DMD: variants seen among roughly 807,000 people sequenced by gnomAD.
DMD encodes the protein dystrophin.
A neutral mutation model predicts 330.1 loss-of-function variants in DMD; 63 were observed. That is an observed-to-expected ratio of 0.19 (90% CI 0.16 to 0.24). The LOEUF is 0.24. Among genes scored for constraint, DMD ranks in the 10% least tolerant of loss-of-function variants. The probability of loss-of-function intolerance (pLI) is 1.00; values close to 1 mark genes in which losing one functional copy is unlikely to be tolerated. For missense variants in DMD, 3,344 were observed against 2,684.1 expected, an observed-to-expected ratio of 1.25 and a Z score of -5.43; for synonymous variants, 1,223 against 959.8, an observed-to-expected ratio of 1.27 and a Z score of -5.07.
chrX:32,694,804 G>A (rs112762299), intron 9 of DMD, among the ~76,000 whole-genome samples: 9,635 of 110,447 alleles, frequency 0.087, 1,009 homozygotes, highest in African/African-American at 0.29. Flanking sequence ...TTACAGGTGT[G>A]CGCCACCACA....
intron 51 of DMD, among the ~76,000 whole-genome samples, chrX:31,767,766 T>C (rs1305065722): frequency 8.9e-6 from 1 of 112,266 alleles, no homozygotes. Flanking sequence ...TCACCAAAAG[T>C]TATAATCAGA....
intron 55 of DMD, among the ~76,000 whole-genome samples, chrX:31,613,841 ACTT>A (rs2078058291): frequency 9.0e-6 from 1 of 111,720 alleles, no homozygotes. Context: ...AGAAGATCCC[ACTT>A]CTTAATAGCT....
chrX:31,688,916 A>G (rs780578511), intron 52 of DMD, among the ~76,000 whole-genome samples: 55 of 112,058 alleles, frequency 4.9e-4, no homozygotes, highest in African/African-American at 1.4e-3. Context: ...ACCAAATTCA[A>G]CAGCCCTTCA....
intron 63 of DMD, among the ~76,000 whole-genome samples, chrX:31,248,006 C>A (rs1038779042): frequency 3.6e-5 from 4 of 111,800 alleles, no homozygotes; most frequent in African/African-American, 1.3e-4. Flanking sequence ...ATTGCCACAG[C>A]CACCCCAACC....
chrX:32,242,640 A>G (rs1050304967), intron 43 of DMD, among the ~76,000 whole-genome samples: 2 of 111,510 alleles, frequency 1.8e-5, no homozygotes, highest in African/African-American at 3.3e-5. Context: ...CCAAATAAGA[A>G]AAGGTAAAAC....
At chrX:31,178,907 G>A (rs1375822660) in intron 69 of DMD, 102 bp from the exon 70 acceptor site, 1 of 1,021,085 alleles carries the variant, frequency 9.8e-7, no homozygotes, top group African/African-American at 1.9e-5. Context: ...TGTAATTAAG[G>A]AGAGTGTTGT....
At chrX:32,242,134 C>T (rs1363219156) in intron 43 of DMD, among the ~76,000 whole-genome samples, 1 of 112,233 alleles carries the variant, frequency 8.9e-6, no homozygotes, top group Admixed American at 9.4e-5. Context: ...GCAACAAGAA[C>T]TGTCTACATA....
intron 43 of DMD, among the ~76,000 whole-genome samples, chrX:32,238,796 CTT>C (rs2097197487): frequency 8.9e-6 from 1 of 111,847 alleles, no homozygotes; most frequent in Admixed American, 9.5e-5. Flanking sequence ...GTGAACTTCT[CTT>C]TGTCCTTGTT....
intron 1 of DMD, among the ~76,000 whole-genome samples, chrX:33,302,925 G>A (rs73623942): frequency 0.013 from 1,408 of 111,460 alleles, 27 homozygotes; most frequent in African/African-American, 0.043. Flanking sequence ...TGGACTCTAC[G>A]TATTCATACA....
intron 16 of DMD, among the ~76,000 whole-genome samples, chrX:32,554,878 GAAGAAAGA>G (rs769646135): frequency 0.017 from 565 of 32,670 alleles, 18 homozygotes; most frequent in Middle Eastern, 0.036. Flanking sequence ...GAGAAGGAAA[GAAGAAAGA>G]AAGAAAGAAA....
intron 2 of DMD, among the ~76,000 whole-genome samples, chrX:32,937,342 C>T (rs751373463): frequency 2.0e-4 from 22 of 109,544 alleles, no homozygotes; most frequent in African/African-American, 7.0e-4. Flanking sequence ...CCTCCTGCTG[C>T]AGCCTGTCTC....
intron 1 of DMD, among the ~76,000 whole-genome samples, chrX:33,050,561 A>G (rs2094444946): frequency 8.9e-6 from 1 of 111,743 alleles, no homozygotes; most frequent in Admixed American, 9.6e-5. Flanking sequence ...CAACCAATCA[A>G]TCTCTAGCCT....
intron 1 of DMD, among the ~76,000 whole-genome samples, chrX:33,301,113 A>C (rs907798068): frequency 7.2e-5 from 8 of 111,490 alleles, no homozygotes; most frequent in Non-Finnish European, 1.5e-4. Context: ...GGAGGTTAAA[A>C]TAACCATTAT....
intron 2 of DMD, among the ~76,000 whole-genome samples, chrX:32,952,087 T>G (rs2091282936): frequency 9.0e-6 from 1 of 110,986 alleles, no homozygotes; most frequent in Non-Finnish European, 1.9e-5. Flanking sequence ...AAAAGGGCTA[T>G]TTCTCAAACC....
At chrX:32,615,083 C>G (rs1483450647) in intron 11 of DMD, among the ~76,000 whole-genome samples, 1 of 111,211 alleles carries the variant, frequency 9.0e-6, no homozygotes, top group Non-Finnish European at 1.9e-5. Context: ...AAGTGAGCTT[C>G]CAGCTCAGCA....
At chrX:31,158,760 C>A (rs1452279216) in intron 74 of DMD, among the ~76,000 whole-genome samples, 1 of 111,985 alleles carries the variant, frequency 8.9e-6, no homozygotes, top group Non-Finnish European at 1.9e-5. Flanking sequence ...TCTTATAATG[C>A]TTTCTCCTAC....
Position 31,341,891 on chromosome X carries a change from G to GCACACACA in DMD, c.9163+6657_9163+6664dup, listed in dbSNP as rs58867858. On this transcript the variant is annotated intron_variant, in intron 61 of 78. Transcript: ENST00000357033. ...GGCGTGCGCGCGTGCGTGCGCGCGC[G>GCACACACA]CACACACACACACACACACACACAC... 4.2e-3 allele frequency among the ~76,000 whole-genome samples: 417 copies of GCACACACA among 98,881 alleles called. 4 individuals carry two copies. Among genetic ancestry groups the GCACACACA allele is most frequent in the African/African-American group, 0.014 (384 of 27,251 alleles). 85.9% of individuals were successfully genotyped at this position (98,881 alleles called of 115,157 possible).
chrX:32,262,556 C>T (rs2097327651), intron 43 of DMD, among the ~76,000 whole-genome samples: 1 of 111,252 alleles, frequency 9.0e-6, no homozygotes, highest in Non-Finnish European at 1.9e-5. Context: ...CAATACACTA[C>T]CTAAATGCAT....
chrX:32,692,597 T>TA (rs2063356869), intron 9 of DMD, among the ~76,000 whole-genome samples: 2 of 111,786 alleles, frequency 1.8e-5, no homozygotes, highest in African/African-American at 6.5e-5. Flanking sequence ...TTCTGCTTTA[T>TA]AAAAGGCATT....
Sources: gnomAD v4.1 joint callset for allele counts (sites outside exome capture counted in the v4.1 genomes callset) on GRCh38, gnomAD v4.1.1 for gene constraint, MANE v1.5 for transcripts, NCBI Gene and HGNC (gene_info 2026-07-23, HGNC 2026-07-21) for gene names.